MICAL2: variants seen among roughly 807,000 people sequenced by gnomAD.
MICAL2 encodes [F-actin]-monooxygenase MICAL2.
Under a neutral mutation model 127.3 loss-of-function variants are expected in MICAL2, and 77 were observed. That is an observed-to-expected ratio of 0.60 (90% confidence interval 0.50 to 0.73). The LOEUF (loss-of-function observed/expected upper bound fraction) is 0.73, where lower values mean the gene tolerates loss of function less well. Ranked by LOEUF, MICAL2 falls within the 30% of genes least tolerant of loss-of-function variation. MICAL2 has a pLI of 0.00. For missense variants in MICAL2, 1,351 were observed against 1,434.4 expected, an observed-to-expected ratio of 0.94 and a Z score of 0.94; for synonymous variants, 570 against 551.1, an observed-to-expected ratio of 1.03 and a Z score of -0.48.
At chr11:12,308,977 T>C (rs1864143680) in intron 29 of MICAL2, among the ~76,000 whole-genome samples, 1 of 152,244 alleles carries the variant, frequency 6.6e-6, no homozygotes, top group African/African-American at 2.4e-5. Context: ...ATCTGTTGGA[T>C]AATCATATGC....
intron 15 of MICAL2, among the ~76,000 whole-genome samples, chr11:12,231,667 C>T (rs949048037): frequency 5.3e-5 from 8 of 152,206 alleles, no homozygotes; most frequent in African/African-American, 1.9e-4. Flanking sequence ...CTTCCTCTCA[C>T]CTCACTTCCC....
chr11:12,282,368 C>T (rs1236862967), intron 2 of MICAL2, among the ~76,000 whole-genome samples: 1 of 152,158 alleles, frequency 6.6e-6, no homozygotes, highest in Non-Finnish European at 1.5e-5. Context: ...ACCCTTCCAT[C>T]CCCCTGGGCT....
At chr11:12,256,056 A>G (rs965175509) in intron 23 of MICAL2, 61 of 309,976 alleles carry the variant, frequency 2.0e-4, no homozygotes, top group Non-Finnish European at 2.4e-4. Context: ...AATGGCCCTC[A>G]CTTTCAGTGT....
intron 29 of MICAL2, among the ~76,000 whole-genome samples, chr11:12,305,014 T>C (rs1203569586): frequency 6.6e-6 from 1 of 152,124 alleles, no homozygotes; most frequent in Non-Finnish European, 1.5e-5. Context: ...TGGGGAGAAT[T>C]AACGTCTTTG....
At chr11:12,188,121 A>G (rs2133998709) in intron 3 of MICAL2, among the ~76,000 whole-genome samples, 2 of 152,336 alleles carry the variant, frequency 1.3e-5, no homozygotes, top group African/African-American at 4.8e-5. Context: ...GTAAGTCCGC[A>G]TTGAGCTGCG....
At chr11:12,195,215 G>T (rs535553626) in intron 3 of MICAL2, among the ~76,000 whole-genome samples, 1 of 152,258 alleles carries the variant, frequency 6.6e-6, no homozygotes, top group African/African-American at 2.4e-5. Flanking sequence ...CGTGATTGTG[G>T]CACTGTACTC....
At chr11:12,145,934 C>A (rs1251274864) in intron 2 of MICAL2, among the ~76,000 whole-genome samples, 1 of 152,124 alleles carries the variant, frequency 6.6e-6, no homozygotes, top group African/African-American at 2.4e-5. Flanking sequence ...AACAACAAAG[C>A]TTCTGTAATT....
chr11:12,154,066 G>A (rs886258946), intron 2 of MICAL2, among the ~76,000 whole-genome samples: 4 of 152,206 alleles, frequency 2.6e-5, no homozygotes, highest in Admixed American at 6.5e-5. Context: ...TTCTGCTCTG[G>A]AATGTGGGTG....
chr11:12,260,227 G>A (rs2134699082), intron 26 of MICAL2: 2 of 1,451,724 alleles, frequency 1.4e-6, no homozygotes, highest in Admixed American at 5.1e-5. Flanking sequence ...TCAGATGGCA[G>A]TGCGTTTGCA....
chr11:12,222,588 C>T (rs760200422), intron 10 of MICAL2, 29 bp from the exon 11 acceptor site: 1 of 1,613,936 alleles, frequency 6.2e-7, no homozygotes, highest in Admixed American at 1.7e-5. Flanking sequence ...AAAAGTGATC[C>T]CTGACCTCCA....
At chr11:12,252,153 G>C (rs1861632311) in intron 22 of MICAL2, among the ~76,000 whole-genome samples, 2 of 152,266 alleles carry the variant, frequency 1.3e-5, no homozygotes, top group East Asian at 3.9e-4. Context: ...CTATCTGAGG[G>C]GCCAAGCTGG....
intron 4 of MICAL2, 183 bp from the exon 5 acceptor site, chr11:12,207,840 G>T (rs1046468297): frequency 1.7e-6 from 1 of 577,300 alleles, no homozygotes; most frequent in African/African-American, 1.9e-5. Flanking sequence ...ATTCCAAAGG[G>T]CCACTGTAAG....
chr11:12,130,116 A>G (rs929787612), intron 1 of MICAL2, among the ~76,000 whole-genome samples: 6 of 152,186 alleles, frequency 3.9e-5, no homozygotes, highest in African/African-American at 1.4e-4. Flanking sequence ...TGCTCAAATC[A>G]TCCCCACTCC....
intron 1 of MICAL2, among the ~76,000 whole-genome samples, chr11:12,120,952 G>C (rs1377287827): frequency 6.6e-6 from 1 of 152,230 alleles, no homozygotes; most frequent in African/African-American, 2.4e-5. Flanking sequence ...AACAGGGTGG[G>C]GGGCAGTAAG....
At chr11:12,286,722 A>T (rs1186816556) in intron 2 of MICAL2, among the ~76,000 whole-genome samples, 1 of 152,022 alleles carries the variant, frequency 6.6e-6, no homozygotes, top group Non-Finnish European at 1.5e-5. Flanking sequence ...TAAAAATTAA[A>T]AAATTATCTG....
intron 23 of MICAL2, 60 bp from the exon 24 acceptor site, chr11:12,256,725 C>A: frequency 6.8e-7 from 1 of 1,461,196 alleles, no homozygotes; most frequent in East Asian, 2.3e-5. Context: ...AAGCCTTGGC[C>A]TGGCATTTGA....
intron 15 of MICAL2, among the ~76,000 whole-genome samples, chr11:12,232,971 C>T (rs1858499916): frequency 6.6e-6 from 1 of 152,172 alleles, no homozygotes; most frequent in Non-Finnish European, 1.5e-5. Context: ...GAATGTGAAT[C>T]ATCCCTTTGT....
upstream of MICAL2, among the ~76,000 whole-genome samples, chr11:12,275,578 G>A (rs190041586): frequency 3.9e-5 from 6 of 152,300 alleles, no homozygotes; most frequent in African/African-American, 9.6e-5. Flanking sequence ...TTTCTAGGAC[G>A]GAGTGACCAG....
At chr11:12,290,098 C>T (rs373820562), downstream of MICAL2, among the ~76,000 whole-genome samples, 115 of 152,292 alleles carry the variant, frequency 7.6e-4, no homozygotes, top group African/African-American at 2.5e-3. Context: ...CCTCTCTCCC[C>T]AGGCTGTGCC....
Sources: allele counts gnomAD v4.1 joint callset (sites outside exome capture counted in the v4.1 genomes callset), GRCh38; gene constraint gnomAD v4.1.1; transcripts MANE v1.5; gene names NCBI Gene and HGNC (gene_info 2026-07-23, HGNC 2026-07-21).